FAM118A: variants seen among roughly 807,000 people sequenced by gnomAD.
FAM118A encodes protein FAM118A.
FAM118A carries 25 observed loss-of-function variants against 38.2 expected under a neutral mutation model. The ratio of observed to expected loss-of-function variants is 0.65; its 90% CI spans 0.48 to 0.91. The LOEUF (loss-of-function observed/expected upper bound fraction) is 0.91, where lower values mean the gene tolerates loss of function less well. Ranked by LOEUF, FAM118A falls within the 40% of genes least tolerant of loss-of-function variation. The probability of loss-of-function intolerance (pLI) is 0.00; values close to 1 mark genes in which losing one functional copy is unlikely to be tolerated. For synonymous variants in FAM118A, 178 were observed against 184.1 expected (o/e 0.97, Z 0.27); for missense variants, 425 against 463.3 (o/e 0.92, Z 0.76).
At chr22:45,311,101 G>C (rs1041599901) in intron 1 of FAM118A, among the ~76,000 whole-genome samples, 2 of 152,172 alleles carry the variant, frequency 1.3e-5, no homozygotes, top group Admixed American at 1.3e-4. Flanking sequence ...ATTCTGGGAA[G>C]GGGTGGGTGT....
At chr22:45,316,722 C>G (rs911338757) in intron 1 of FAM118A, among the ~76,000 whole-genome samples, 2 of 152,156 alleles carry the variant, frequency 1.3e-5, no homozygotes, top group Admixed American at 1.3e-4. Flanking sequence ...TAGTGTGAGG[C>G]GCTTTTGTCA....
intron 7 of FAM118A, 46 bp downstream of exon 7, chr22:45,335,428 T>C: frequency 6.3e-7 from 1 of 1,597,570 alleles, no homozygotes; most frequent in Non-Finnish European, 8.6e-7. Flanking sequence ...TGCCTACACA[T>C]TCCATTGTCT....
chr22:45,340,303 G>A (rs771564295), intron 8 of FAM118A, 83 bp from the exon 9 acceptor site: 22 of 1,534,980 alleles, frequency 1.4e-5, no homozygotes, highest in Admixed American at 5.0e-5. Context: ...TTGTAAAGCA[G>A]TTTCTGAAAT....
chr22:45,313,866 T>C (rs1569118879), intron 1 of FAM118A, among the ~76,000 whole-genome samples: 2 of 152,226 alleles, frequency 1.3e-5, no homozygotes, highest in Admixed American at 6.5e-5. Flanking sequence ...TTTAATTTTA[T>C]TTAGCTTTAA....
At chr22:45,319,169 G>A (rs1293528304) in intron 1 of FAM118A, among the ~76,000 whole-genome samples, 1 of 152,214 alleles carries the variant, frequency 6.6e-6, no homozygotes, top group Non-Finnish European at 1.5e-5. Context: ...AAGAACTAGA[G>A]GTAGATTTTG....
intron 4 of FAM118A, chr22:45,328,616 G>T: frequency 1.7e-6 from 1 of 589,334 alleles, no homozygotes; most frequent in Non-Finnish European, 3.0e-6. Context: ...GGGTGACAGA[G>T]TAAGACCCTT....
At chr22:45,321,536 C>T (rs1262987412) in intron 1 of FAM118A, 1 of 152,224 alleles carries the variant, frequency 6.6e-6, no homozygotes, top group Non-Finnish European at 1.5e-5. Context: ...CCCACCTCAG[C>T]CTTCCTAGTA....
intron 7 of FAM118A, 147 bp downstream of exon 7, chr22:45,335,529 C>T: frequency 1.1e-6 from 1 of 914,398 alleles, no homozygotes; most frequent in Non-Finnish European, 1.7e-6. Flanking sequence ...TGATAAATAG[C>T]CATGCCTTAG....
chr22:45,311,982 A>T (rs1426463447), intron 1 of FAM118A, among the ~76,000 whole-genome samples: 1 of 152,100 alleles, frequency 6.6e-6, no homozygotes, highest in Non-Finnish European at 1.5e-5. Flanking sequence ...ACCACACAGG[A>T]CGCAGTGGGG....
rs2085017093 is a variant in FAM118A at position 45,323,323 on chromosome 22, C to T, written c.196C>T (p.Leu66=). The change falls in exon 3 of 9, where the codon CTG becomes TTG. Residue 66 remains leucine, a synonymous_variant. Coordinates refer to ENST00000441876, the MANE Select transcript of FAM118A (RefSeq NM_017911.4). ...GGCCGTCATCGAGGCTGCAGAGCAG[C>T]TGGAGGTGCTGCACCCCGGAGACGT... The part of the protein sequence containing the change: ...IEAVIEAAEQ[L]EVLHPGDVAE... The T allele has an allele frequency of 6.2e-7, 1 of 1,614,178 alleles. No homozygotes were observed. Among genetic ancestry groups the T allele is most frequent in the Non-Finnish European group, 8.5e-7 (1 of 1,180,020 alleles).
intron 1 of FAM118A, chr22:45,322,109 T>C (rs2084914216): frequency 8.0e-7 from 1 of 1,242,348 alleles, no homozygotes; most frequent in Non-Finnish European, 1.1e-6. Flanking sequence ...CATCTGCTCC[T>C]GTGTGTGCGT....
intron 3 of FAM118A, among the ~76,000 whole-genome samples, chr22:45,324,366 A>G (rs1163164312): frequency 1.3e-5 from 2 of 152,146 alleles, no homozygotes; most frequent in Non-Finnish European, 2.9e-5. Context: ...GCAGCTGTAA[A>G]TGATGTGCGT....
chr22:45,329,463 A>G (rs1157549410), intron 4 of FAM118A: 1 of 152,246 alleles, frequency 6.6e-6, no homozygotes, highest in Admixed American at 6.5e-5. Flanking sequence ...TTGTGTTACT[A>G]AAGGTTGAGC....
rs2086096604 is a variant in FAM118A at position 45,336,364 on chromosome 22, A to G, written c.1007A>G (p.Glu336Gly). The G allele has an allele frequency of 1.2e-6, 2 of 1,614,024 alleles. No individual in the cohort carries two copies. The highest frequency in any genetic ancestry group is 1.7e-6 in the Non-Finnish European group (2 of 1,179,862). ...CAGGACTGTGCAAAGAGGAAGTTAG[A>G]AGAGAATGGAATTGAAGTTTCAAAA... ...ACQDCAKRKL[E>G]ENGIEVSKKR... Residue 336 changes from glutamate (E) to glycine (G), a missense_variant, in exon 8 of 9, where the codon GAA becomes GGA. Coordinates refer to ENST00000441876, the MANE Select transcript of FAM118A (RefSeq NM_017911.4).
In FAM118A at chr22:45,336,292, A is replaced by C. The variant is rs1381259186; in HGVS notation, c.971-36A>C. ...ACTGTGCCTTGGCGAGTGGATTCTG[A>C]ATAAACAAGCTTCTTAATAAATTCT... On this transcript the variant is annotated intron_variant, in intron 7 of 8. Coordinates refer to ENST00000441876, the MANE Select transcript of FAM118A (RefSeq NM_017911.4). 5.7e-6 allele frequency: 9 copies of C among 1,566,108 alleles called. No individual in the cohort carries two copies. The East Asian group carries it at 2.0e-4, about 35-fold the overall frequency.
chr22:45,311,997 G>A (rs2084389216), intron 1 of FAM118A, among the ~76,000 whole-genome samples: 1 of 152,160 alleles, frequency 6.6e-6, no homozygotes, highest in Admixed American at 6.5e-5. Flanking sequence ...GTGGGGCAGG[G>A]TGGGGAGAGG....
At chr22:45,338,775 G>T (rs960454051) in intron 8 of FAM118A, among the ~76,000 whole-genome samples, 12 of 152,222 alleles carry the variant, frequency 7.9e-5, no homozygotes, top group Non-Finnish European at 1.8e-4. Context: ...CAGCTTATCA[G>T]TTACCTCTTC....
chr22:45,323,881 G>A (rs1471726357), intron 3 of FAM118A, among the ~76,000 whole-genome samples: 5 of 152,266 alleles, frequency 3.3e-5, no homozygotes, highest in Admixed American at 2.6e-4. Flanking sequence ...CTAGTTGAGA[G>A]GAGAAGCACT....
intron 1 of FAM118A, 181 bp from the exon 2 acceptor site, chr22:45,322,190 A>C: frequency 6.6e-6 from 10 of 1,506,040 alleles, no homozygotes; most frequent in East Asian, 2.7e-5. Flanking sequence ...GAGATGAGGA[A>C]TGGTGGCTTA....
Sources: gnomAD v4.1 joint callset for allele counts (sites outside exome capture counted in the v4.1 genomes callset) on GRCh38, gnomAD v4.1.1 for gene constraint, MANE v1.5 for transcripts, NCBI Gene and HGNC (gene_info 2026-07-23, HGNC 2026-07-21) for gene names.